The following PDE1A variants were observed in gnomAD, a reference collection of about 807,000 sequenced individuals.
The protein encoded by PDE1A is dual specificity calcium/calmodulin-dependent 3',5'-cyclic nucleotide phosphodiesterase 1A.
Under a neutral mutation model 61.7 loss-of-function variants are expected in PDE1A, and 35 were observed. The observed-to-expected ratio is 0.57, with a 90% CI of 0.43 to 0.75. The LOEUF (loss-of-function observed/expected upper bound fraction) is 0.75. PDE1A is among the 30% of genes least tolerant of loss of function. The pLI, the probability that PDE1A is intolerant of heterozygous loss-of-function variation, is 0.00. For missense variants in PDE1A, 597 were observed against 630.6 expected, an observed-to-expected ratio of 0.95 and a Z score of 0.57; for synonymous variants, 232 against 213.2, an observed-to-expected ratio of 1.09 and a Z score of -0.77.
intron 1 of PDE1A, among the ~76,000 whole-genome samples, chr2:182,392,848 G>A (rs187015206): frequency 3.9e-5 from 6 of 152,382 alleles, no homozygotes; most frequent in Non-Finnish European, 5.9e-5. Flanking sequence ...GATGCAAGGG[G>A]TGGGTTCCCA....
intron 13 of PDE1A, among the ~76,000 whole-genome samples, chr2:182,176,557 G>A (rs1245266834): frequency 6.8e-6 from 1 of 147,714 alleles, no homozygotes; most frequent in African/African-American, 2.6e-5. Flanking sequence ...CTTTGCTGAA[G>A]TTGCTTATCA....
In PDE1A at chr2:182,250,442, G is replaced by A. The variant is rs565994593; in HGVS notation, c.168-10150C>T. Among the ~76,000 whole-genome samples the A allele has an allele frequency of 2.6e-5, 4 of 152,280 alleles. No homozygotes were observed. In the East Asian group the frequency reaches 7.7e-4, roughly 29 times the overall value. ...TACTTGTCAGTAACCTACTTACTAA[G>A]TGCTAAATACATTTGAATTATTTCT... On this transcript the variant is annotated intron_variant, in intron 2 of 13. Coordinates refer to ENST00000351439, the Ensembl canonical transcript of PDE1A.
At chr2:182,212,646 A>T (rs1687734199) in intron 7 of PDE1A, among the ~76,000 whole-genome samples, 1 of 152,200 alleles carries the variant, frequency 6.6e-6, no homozygotes, top group South Asian at 2.1e-4. Flanking sequence ...AGTCAAAGAA[A>T]GGGGTGATGG....
chr2:182,421,024 AT>A (rs1479909138), intron 1 of PDE1A, among the ~76,000 whole-genome samples: 2 of 152,164 alleles, frequency 1.3e-5, no homozygotes, highest in African/African-American at 4.8e-5. Context: ...ACTTCTTTAA[AT>A]TTATTCCATC....
chr2:182,555,508 G>A, the PDE1A span, among the ~76,000 whole-genome samples: 3 of 152,140 alleles, frequency 2.0e-5, 1 homozygote, highest in African/African-American at 2.4e-5. Flanking sequence ...AGTGAAAAAC[G>A]TCAACAATCT....
chr2:182,339,379 G>A (rs1223160591), intron 1 of PDE1A, among the ~76,000 whole-genome samples: 2 of 152,064 alleles, frequency 1.3e-5, no homozygotes, highest in South Asian at 2.1e-4. Context: ...GTAAACAAAA[G>A]TATGGCAATA....
At chr2:182,517,177 T>G (rs1359168885) in intron 2 of PDE1A, among the ~76,000 whole-genome samples, 1 of 152,230 alleles carries the variant, frequency 6.6e-6, no homozygotes, top group Non-Finnish European at 1.5e-5. Context: ...TAGGTATATC[T>G]ATGTTTAAAC....
At chr2:182,233,290 G>T (rs1689730088) in intron 4 of PDE1A, among the ~76,000 whole-genome samples, 1 of 152,100 alleles carries the variant, frequency 6.6e-6, no homozygotes, top group Non-Finnish European at 1.5e-5. Context: ...TTTTTCTACA[G>T]ACTGAGTTGG....
chr2:182,368,347 A>G (rs1417283501), intron 1 of PDE1A, among the ~76,000 whole-genome samples: 4 of 43,938 alleles, frequency 9.1e-5, no homozygotes, highest in Non-Finnish European at 1.4e-4. Context: ...CCCCCCACCC[A>G]AAGGCCAGAC....
chr2:182,321,386 G>T (rs1446395907), intron 1 of PDE1A, among the ~76,000 whole-genome samples: 1 of 152,114 alleles, frequency 6.6e-6, no homozygotes, highest in African/African-American at 2.4e-5. Context: ...GTTAGAACAA[G>T]TCTGATGATT....
At chr2:182,180,305 G>C (rs986294948) in intron 13 of PDE1A, among the ~76,000 whole-genome samples, 1 of 152,076 alleles carries the variant, frequency 6.6e-6, no homozygotes, top group African/African-American at 2.4e-5. Flanking sequence ...TGTGTGTCTA[G>C]TGCCCAATCT....
chr2:182,337,818 G>C (rs963416666), intron 1 of PDE1A, among the ~76,000 whole-genome samples: 1 of 151,890 alleles, frequency 6.6e-6, no homozygotes, highest in Non-Finnish European at 1.5e-5. Context: ...GGTAAATATA[G>C]GATTTTAAAA....
At chr2:182,493,232 C>CTT (rs371513720) in intron 2 of PDE1A, among the ~76,000 whole-genome samples, 1,520 of 143,920 alleles carry the variant, frequency 0.011, 17 homozygotes, top group Non-Finnish European at 0.012. Flanking sequence ...TCTCGACTAA[C>CTT]TTTTTTTTTT....
chr2:182,277,561 A>G (rs1384804107), intron 1 of PDE1A, among the ~76,000 whole-genome samples: 1 of 152,070 alleles, frequency 6.6e-6, no homozygotes, highest in Non-Finnish European at 1.5e-5. Flanking sequence ...ATCTGCCCCT[A>G]CATGAGGCAA....
chr2:182,276,463 C>A (rs1693417565), intron 1 of PDE1A, among the ~76,000 whole-genome samples: 1 of 152,016 alleles, frequency 6.6e-6, no homozygotes, highest in South Asian at 2.1e-4. Flanking sequence ...TATCAGTTCC[C>A]AAATAATACT....
the PDE1A span, among the ~76,000 whole-genome samples, chr2:182,691,096 C>G: frequency 1.3e-5 from 2 of 152,124 alleles, no homozygotes; most frequent in Non-Finnish European, 2.9e-5. Flanking sequence ...TGAAAATGGC[C>G]ATACAGCCCA....
intron 1 of PDE1A, among the ~76,000 whole-genome samples, chr2:182,410,657 T>C (rs1702559351): frequency 6.6e-6 from 1 of 152,234 alleles, no homozygotes; most frequent in Non-Finnish European, 1.5e-5. Flanking sequence ...CTCATCAAGA[T>C]AATATAATTA....
chr2:182,690,191 T>G, the PDE1A span, among the ~76,000 whole-genome samples: 1 of 152,312 alleles, frequency 6.6e-6, no homozygotes, highest in Non-Finnish European at 1.5e-5. Flanking sequence ...GAGGCCAGCA[T>G]CATCCTGATA....
chr2:182,433,828 G>T (rs544209672), intron 2 of PDE1A, among the ~76,000 whole-genome samples: 1 of 152,076 alleles, frequency 6.6e-6, no homozygotes, highest in African/African-American at 2.4e-5. Flanking sequence ...CTGGCATTTT[G>T]TGCCTTGAAC....
Sources: allele counts gnomAD v4.1 joint callset (sites outside exome capture counted in the v4.1 genomes callset), GRCh38; gene constraint gnomAD v4.1.1; transcripts MANE v1.5; gene names NCBI Gene and HGNC (gene_info 2026-07-23, HGNC 2026-07-21).